Variants in SLC49A4 observed in about 807,000 individuals in gnomAD.
SLC49A4 encodes disrupted in renal cancer protein 2.
A neutral mutation model predicts 50.6 loss-of-function variants in SLC49A4; 36 were observed. That is an observed-to-expected ratio of 0.71 (90% CI 0.55 to 0.94). The LOEUF is 0.94. SLC49A4 is among the 40% of genes least tolerant of loss of function. The pLI, the probability that SLC49A4 is intolerant of heterozygous loss-of-function variation, is 0.00. For synonymous variants in SLC49A4, 248 were observed against 241.2 expected (o/e 1.03, Z -0.26); for missense variants, 503 against 605.7 (o/e 0.83, Z 1.78).
At chr3:122,837,747 A>G (rs1466421239) in intron 4 of SLC49A4, among the ~76,000 whole-genome samples, 3 of 151,338 alleles carry the variant, frequency 2.0e-5, no homozygotes, top group East Asian at 1.9e-4. Context: ...TGCACAGCAA[A>G]AGAAACTACC....
chr3:122,864,078 G>A (rs1490624857), intron 7 of SLC49A4, among the ~76,000 whole-genome samples: 2 of 152,016 alleles, frequency 1.3e-5, no homozygotes, highest in South Asian at 2.1e-4. Flanking sequence ...ATTTTCTATG[G>A]CAATCTTTCT....
chr3:122,833,691 T>C (rs1175432055), intron 4 of SLC49A4, among the ~76,000 whole-genome samples: 1 of 152,172 alleles, frequency 6.6e-6, no homozygotes, highest in East Asian at 1.9e-4. Flanking sequence ...ATTTGCTTAA[T>C]GTTTTAAAAA....
chr3:122,877,634 CT>C (rs1185353921), intron 8 of SLC49A4, among the ~76,000 whole-genome samples: 1 of 152,098 alleles, frequency 6.6e-6, no homozygotes, highest in African/African-American at 2.4e-5. Context: ...AATTACCATA[CT>C]TTTTTTTATC....
intron 4 of SLC49A4, among the ~76,000 whole-genome samples, chr3:122,838,035 G>A (rs1232065027): frequency 2.8e-4 from 43 of 150,934 alleles, no homozygotes; most frequent in Middle Eastern, 3.4e-3. Context: ...TTAGAATGGC[G>A]ATCATTAAAA....
At chr3:122,839,403 C>G (rs1441584573) in intron 4 of SLC49A4, among the ~76,000 whole-genome samples, 1 of 151,914 alleles carries the variant, frequency 6.6e-6, no homozygotes, top group Non-Finnish European at 1.5e-5. Context: ...CCTAATTAAA[C>G]AAAAAGTTTC....
At chr3:122,809,839 C>G (rs1936274808) in intron 2 of SLC49A4, among the ~76,000 whole-genome samples, 1 of 152,142 alleles carries the variant, frequency 6.6e-6, no homozygotes, top group Non-Finnish European at 1.5e-5. Flanking sequence ...CTTATACATT[C>G]ATCTATAAAG....
Position 122,795,482 on chromosome 3 carries a change from G to T in SLC49A4, c.290G>T (p.Gly97Val), listed in dbSNP as rs1379255865. The change falls in exon 1 of 9, where the codon GGG becomes GTG. Residue 97 changes from glycine (G) to valine (V), a missense_variant. Coordinates refer to ENST00000261038, the MANE Select transcript of SLC49A4 (RefSeq NM_032839.3). The stretch of plus-strand genomic sequence containing the variant: ...GACATCGCGCTGCTCGTGCTGTGGG[G>T]GCCCATCGGCTTCCTGCCCTGCTTC... ...SWDIALLVLW[G>V]PIGFLPCFAF... 3.7e-6 allele frequency: 6 copies of T among 1,605,528 alleles called. No individual in the cohort carries two copies. The highest frequency in any genetic ancestry group is 1.3e-5 in the African/African-American group (1 of 74,848).
chr3:122,815,412 T>G (rs985542683), intron 2 of SLC49A4, among the ~76,000 whole-genome samples: 2 of 152,138 alleles, frequency 1.3e-5, no homozygotes, highest in African/African-American at 4.8e-5. Context: ...TCTAGCCATA[T>G]CCCATTGGTT....
rs777101254 is a variant in SLC49A4 at position 122,819,243 on chromosome 3, CAA to C, written c.438-7537_438-7536del. Among the ~76,000 whole-genome samples, 133 of 100,582 alleles carry C rather than the reference CAA, an allele frequency of 1.3e-3. 1 individual carries two copies. Among genetic ancestry groups the C allele is most frequent in the African/African-American group, 5.0e-3 (119 of 24,020 alleles). 66.0% of individuals were successfully genotyped at this position (100,582 alleles called of 152,430 possible). A position where few individuals can be genotyped will look rare whatever the true frequency, so the allele number is the denominator to read the frequency against. On this transcript the variant is annotated intron_variant, in intron 2 of 8. Coordinates refer to ENST00000261038, the MANE Select transcript of SLC49A4 (RefSeq NM_032839.3). ...TGGGAGACAGAGCAAGACCCTGCCT[CAA>C]AAAAAAAAAAAAAAAAAAATCCTGT...
chr3:122,815,620 C>T (rs953233355), intron 2 of SLC49A4, among the ~76,000 whole-genome samples: 1 of 152,230 alleles, frequency 6.6e-6, no homozygotes, highest in Non-Finnish European at 1.5e-5. Flanking sequence ...AGAGAACATA[C>T]TCATCCTTCC....
At position 122,879,423 on chromosome 3, in the gene SLC49A4, C is replaced by A; in HGVS notation, c.*45C>A. The stretch of plus-strand genomic sequence containing the variant: ...TTTAAAAGGAGGCTGGAAATCAATA[C>A]TGCACACTGCACATTTGCTCAGAAT... On this transcript the variant is annotated 3_prime_UTR_variant, in exon 9 of 9. Transcript: ENST00000261038. The A allele has an allele frequency of 1.5e-6, 2 of 1,361,412 alleles. No individual in the cohort carries two copies. The highest frequency in any genetic ancestry group is 2.1e-6 in the Non-Finnish European group (2 of 959,130). 84.3% of individuals were successfully genotyped at this position (1,361,412 alleles called of 1,614,324 possible).
intron 2 of SLC49A4, among the ~76,000 whole-genome samples, chr3:122,807,443 C>T (rs1438938500): frequency 1.3e-5 from 2 of 151,970 alleles, no homozygotes; most frequent in Non-Finnish European, 2.9e-5. Context: ...GGCAGGTAAG[C>T]ATAGGCCTTT....
At chr3:122,852,676 T>G (rs1936940787) in intron 5 of SLC49A4, among the ~76,000 whole-genome samples, 1 of 152,202 alleles carries the variant, frequency 6.6e-6, no homozygotes, top group East Asian at 1.9e-4. Context: ...TAGTTCCTCC[T>G]GCTCTTAGGT....
In SLC49A4 at chr3:122,856,436, T is replaced by C; in HGVS notation, c.1010+62T>C. On this transcript the variant is annotated intron_variant, in intron 6 of 8. Coordinates refer to ENST00000261038, the MANE Select transcript of SLC49A4 (RefSeq NM_032839.3). Reference sequence around the variant, plus strand: ...CAGGGGGAAAAAGCCTAAAGATAAATAGGCTCCCCTAAATAAACATTACAA... The same window carrying C: ...CAGGGGGAAAAAGCCTAAAGATAAACAGGCTCCCCTAAATAAACATTACAA... 8 of 1,405,064 alleles carry C rather than the reference T, an allele frequency of 5.7e-6. No individual in the cohort carries two copies. The South Asian group carries it at 8.3e-5, about 15-fold the overall frequency. The allele number at this position is 1,405,064 out of a possible 1,614,324, so 87.0% of individuals were successfully genotyped here. A position where few individuals can be genotyped will look rare whatever the true frequency, so the allele number is the denominator to read the frequency against.
In SLC49A4 at chr3:122,795,069, G is replaced by T; in HGVS notation, c.-124G>T. On this transcript the variant is annotated 5_prime_UTR_variant, in exon 1 of 9. Transcript: ENST00000261038. Reference sequence around the variant, plus strand: ...CGGGCCGCGCAGGCGCACCAGGCGCGGTCCGGAGGCCGAGGGCGACCACAG... The same window carrying T: ...CGGGCCGCGCAGGCGCACCAGGCGCTGTCCGGAGGCCGAGGGCGACCACAG... The T allele has an allele frequency of 8.7e-7, 1 of 1,146,348 alleles. No individual in the cohort carries two copies. The highest frequency in any genetic ancestry group is 1.1e-6 in the Non-Finnish European group (1 of 914,428). The allele number at this position is 1,146,348 out of a possible 1,614,324, so 71.0% of individuals were successfully genotyped here. A position where few individuals can be genotyped will look rare whatever the true frequency, so the allele number is the denominator to read the frequency against.
intron 4 of SLC49A4, among the ~76,000 whole-genome samples, chr3:122,843,113 AGT>A (rs1398018876): frequency 2.0e-5 from 3 of 152,284 alleles, no homozygotes; most frequent in African/African-American, 7.2e-5. Context: ...GTGCTTTTGC[AGT>A]ATGTGTACTG....
chr3:122,836,912 A>G (rs543074989), intron 4 of SLC49A4, among the ~76,000 whole-genome samples: 23 of 152,336 alleles, frequency 1.5e-4, no homozygotes, highest in African/African-American at 4.6e-4. Flanking sequence ...ATTCTTATAC[A>G]CCAATAGCAG....
chr3:122,798,041 A>T (rs1936072579), intron 1 of SLC49A4, among the ~76,000 whole-genome samples: 1 of 152,162 alleles, frequency 6.6e-6, no homozygotes, highest in South Asian at 2.1e-4. Context: ...TTACAATAAT[A>T]TTTTTTTAAA....
intron 4 of SLC49A4, among the ~76,000 whole-genome samples, chr3:122,838,888 T>C (rs1161249183): frequency 1.3e-5 from 2 of 151,404 alleles, no homozygotes; most frequent in African/African-American, 2.4e-5. Flanking sequence ...GAAAAAAAAA[T>C]CCTAAAATTC....
Sources: allele counts gnomAD v4.1 joint callset (sites outside exome capture counted in the v4.1 genomes callset), GRCh38; gene constraint gnomAD v4.1.1; transcripts MANE v1.5; gene names NCBI Gene and HGNC (gene_info 2026-07-23, HGNC 2026-07-21).